Variants in NALF1 observed in about 807,000 individuals in gnomAD.
NALF1 encodes the protein family with sequence similarity 155 member A.
Under a neutral mutation model 48.4 loss-of-function variants are expected in NALF1, and 3 were observed. That is an observed-to-expected ratio of 0.06 (90% CI 0.03 to 0.16). NALF1 has a LOEUF of 0.16. Ranked by LOEUF, NALF1 falls within the 10% of genes least tolerant of loss-of-function variation. The pLI is 1.00. For missense variants in NALF1, 526 were observed against 571.5 expected, an observed-to-expected ratio of 0.92 and a Z score of 0.81; for synonymous variants, 262 against 245.7, an observed-to-expected ratio of 1.07 and a Z score of -0.62.
In NALF1 at chr13:107,416,394, C is replaced by G. The variant is rs372158487; in HGVS notation, c.916-205639G>C. On this transcript the variant is annotated intron_variant, in intron 1 of 2. Transcript: ENST00000375915. ...GTCCTCTTCTACCTCTTCCCTCCTTCAGCCTGTACCACCTCTGAGGCAGCA... is the reference window on the plus strand; with the variant it reads ...GTCCTCTTCTACCTCTTCCCTCCTTGAGCCTGTACCACCTCTGAGGCAGCA... Among the ~76,000 whole-genome samples the G allele has an allele frequency of 8.5e-5, 13 of 152,110 alleles. No individual in the cohort carries two copies. The South Asian group carries it at 2.7e-3, about 32-fold the overall frequency.
chr13:107,345,932 G>A (rs2138939722), intron 1 of NALF1, among the ~76,000 whole-genome samples: 1 of 152,094 alleles, frequency 6.6e-6, no homozygotes, highest in East Asian at 1.9e-4. Context: ...ATCAACCCAA[G>A]GAACATATAA....
intron 1 of NALF1, among the ~76,000 whole-genome samples, chr13:107,774,957 G>A (rs879551683): frequency 5.9e-5 from 9 of 152,112 alleles, no homozygotes; most frequent in Non-Finnish European, 1.0e-4. Context: ...AAATGCCTAT[G>A]TCTCCCAATG....
At chr13:107,740,333 G>A (rs1876595695) in intron 1 of NALF1, among the ~76,000 whole-genome samples, 1 of 152,126 alleles carries the variant, frequency 6.6e-6, no homozygotes, top group Non-Finnish European at 1.5e-5. Context: ...AACCATAGAA[G>A]ATGTAATAGA....
intron 1 of NALF1, among the ~76,000 whole-genome samples, chr13:107,213,999 G>C (rs150366045): frequency 8.5e-5 from 13 of 152,176 alleles, no homozygotes; most frequent in Non-Finnish European, 1.9e-4. Flanking sequence ...AGCTACCAGC[G>C]TGATATAAAG....
At chr13:107,614,099 A>T (rs1382934209) in intron 1 of NALF1, among the ~76,000 whole-genome samples, 1 of 152,210 alleles carries the variant, frequency 6.6e-6, no homozygotes. Context: ...TGAGAGGAGG[A>T]GTTTAACGCC....
chr13:107,852,376 G>A (rs1257452329), intron 1 of NALF1, among the ~76,000 whole-genome samples: 2 of 152,074 alleles, frequency 1.3e-5, no homozygotes, highest in African/African-American at 2.4e-5. Flanking sequence ...ATTAAGAACC[G>A]TTTCCACTAA....
At chr13:107,349,457 T>C (rs1882831474) in intron 1 of NALF1, among the ~76,000 whole-genome samples, 1 of 152,072 alleles carries the variant, frequency 6.6e-6, no homozygotes, top group African/African-American at 2.4e-5. Context: ...GATAAGAAAC[T>C]GAGGGCCGGG....
At chr13:107,441,233 G>C (rs1278082640) in intron 1 of NALF1, among the ~76,000 whole-genome samples, 1 of 152,136 alleles carries the variant, frequency 6.6e-6, no homozygotes, top group Non-Finnish European at 1.5e-5. Context: ...TTCACTGTTG[G>C]TCCAACCAAC....
chr13:107,559,059 T>C (rs891597449), intron 1 of NALF1, among the ~76,000 whole-genome samples: 4 of 152,212 alleles, frequency 2.6e-5, no homozygotes, highest in African/African-American at 7.2e-5. Flanking sequence ...TGGCAGGAGC[T>C]GATACTTCAT....
intron 1 of NALF1, among the ~76,000 whole-genome samples, chr13:107,305,772 C>A (rs894590361): frequency 6.6e-6 from 1 of 152,154 alleles, no homozygotes; most frequent in Admixed American, 6.5e-5. Flanking sequence ...CTGCATCTTT[C>A]TTTACACCTA....
chr13:107,546,818 C>T (rs1308605536), intron 1 of NALF1, among the ~76,000 whole-genome samples: 1 of 152,142 alleles, frequency 6.6e-6, no homozygotes, highest in Non-Finnish European at 1.5e-5. Context: ...CTAAGTAGCA[C>T]TTCCTGCAGC....
intron 1 of NALF1, among the ~76,000 whole-genome samples, chr13:107,452,694 C>T (rs749732309): frequency 1.3e-5 from 2 of 152,142 alleles, no homozygotes; most frequent in Non-Finnish European, 2.9e-5. Flanking sequence ...TCATGCCTTC[C>T]CAACTGTCCC....
intron 1 of NALF1, among the ~76,000 whole-genome samples, chr13:107,564,431 C>T (rs1417638129): frequency 6.6e-6 from 1 of 152,168 alleles, no homozygotes; most frequent in Non-Finnish European, 1.5e-5. Context: ...AAGCAAACAT[C>T]AAACCACAGC....
intron 1 of NALF1, among the ~76,000 whole-genome samples, chr13:107,300,033 A>T (rs1733231992): frequency 1.3e-5 from 2 of 152,180 alleles, no homozygotes; most frequent in South Asian, 2.1e-4. Context: ...AGTCCACAGA[A>T]GATACTCCCT....
At chr13:107,804,291 T>C (rs1360121828) in intron 1 of NALF1, among the ~76,000 whole-genome samples, 1 of 152,140 alleles carries the variant, frequency 6.6e-6, no homozygotes, top group Non-Finnish European at 1.5e-5. Flanking sequence ...ACCTTTAGCA[T>C]CAGTTATGCT....
At chr13:107,365,355 C>T (rs2138959112) in intron 1 of NALF1, among the ~76,000 whole-genome samples, 1 of 152,158 alleles carries the variant, frequency 6.6e-6, no homozygotes, top group Non-Finnish European at 1.5e-5. Flanking sequence ...CTGAATTTCT[C>T]TCCGAAGTTC....
intron 1 of NALF1, among the ~76,000 whole-genome samples, chr13:107,711,298 G>C (rs1159654296): frequency 5.3e-5 from 8 of 152,162 alleles, no homozygotes; most frequent in Non-Finnish European, 1.2e-4. Flanking sequence ...ATCATATTGT[G>C]ATACTAAACC....
chr13:107,693,732 C>T lies in NALF1; in HGVS notation c.915+171950G>A, dbSNP rs185954631. Among the ~76,000 whole-genome samples the T allele has an allele frequency of 3.9e-3, 590 of 151,620 alleles. 3 individuals are homozygous for T. Among genetic ancestry groups the T allele is most frequent in the African/African-American group, 0.013 (543 of 41,344 alleles). ...GCCACAGAACTTGGACCATATGAAT[C>T]GAATATAAAATGTTTCCCCCTCAAA... On this transcript the variant is annotated intron_variant, in intron 1 of 2. Coordinates refer to ENST00000375915, the MANE Select transcript of NALF1 (RefSeq NM_001080396.3).
intron 1 of NALF1, among the ~76,000 whole-genome samples, chr13:107,332,101 T>G (rs904695613): frequency 3.3e-5 from 5 of 152,202 alleles, no homozygotes; most frequent in Admixed American, 6.5e-5. Context: ...TGATATTAGG[T>G]CTTTGCAAAC....
Sources: allele counts gnomAD v4.1 joint callset (sites outside exome capture counted in the v4.1 genomes callset), GRCh38; gene constraint gnomAD v4.1.1; transcripts MANE v1.5; gene names NCBI Gene and HGNC (gene_info 2026-07-23, HGNC 2026-07-21).